The following TKFC variants were observed in gnomAD, a reference collection of about 807,000 sequenced individuals.
The protein encoded by TKFC is triokinase/FMN cyclase.
In TKFC, 46 loss-of-function variants were observed where a neutral mutation model predicts 61.0. That is an observed-to-expected ratio of 0.75 (90% CI 0.60 to 0.96). TKFC has a LOEUF of 0.96. Among genes scored for constraint, TKFC ranks in the 50% least tolerant of loss-of-function variants. The pLI is 0.00. For synonymous variants in TKFC, 314 were observed against 330.1 expected (o/e 0.95, Z 0.53); for missense variants, 715 against 777.5 (o/e 0.92, Z 0.96).
In TKFC at chr11:61,347,496, G is replaced by A; in HGVS notation, c.*993G>A. ...CGAGGCTGCGGTGAGCCATAAGCATGCCACTATACTCCAGCCTGGGCAACA... is the reference window on the plus strand; with the variant it reads ...CGAGGCTGCGGTGAGCCATAAGCATACCACTATACTCCAGCCTGGGCAACA... On this transcript the variant is annotated 3_prime_UTR_variant, in exon 18 of 18. Transcript: ENST00000394900. 2.0e-6 allele frequency: 2 copies of A among 982,362 alleles called. No homozygotes were observed. Among genetic ancestry groups the A allele is most frequent in the Non-Finnish European group, 2.4e-6 (2 of 829,644 alleles). 60.9% of individuals were successfully genotyped at this position (982,362 alleles called of 1,614,324 possible).
downstream of TKFC, chr11:61,351,280 C>A: frequency 5.6e-6 from 4 of 718,920 alleles, no homozygotes; most frequent in East Asian, 3.7e-5. Context: ...TTTTAACACC[C>A]TTTCTTTTTT....
chr11:61,335,123 G>A (rs1268537348), intron 2 of TKFC, among the ~76,000 whole-genome samples: 3 of 152,184 alleles, frequency 2.0e-5, no homozygotes, highest in African/African-American at 7.2e-5. Context: ...TCTGGAGCTG[G>A]GATCTACAGT....
chr11:61,339,414 C>T lies in TKFC; in HGVS notation c.465C>T (p.Cys155=), dbSNP rs905212953. 9.9e-6 allele frequency: 16 copies of T among 1,611,642 alleles called. No homozygotes were observed. Among genetic ancestry groups the T allele is most frequent in the South Asian group, 3.3e-5 (3 of 90,928 alleles). Residue 155 remains cysteine, a synonymous_variant, in exon 5 of 18, where the codon TGC becomes TGT. Transcript: ENST00000394900. ...AGAAGGCAGGCCGGCGGGGGCTGTGCGGCACGGTGCTTATACACAAGGTGG... is the reference window on the plus strand; with the variant it reads ...AGAAGGCAGGCCGGCGGGGGCTGTGTGGCACGGTGCTTATACACAAGGTGG... ...VLKKAGRRGL[C]GTVLIHKVAG...
At chr11:61,349,677 T>C, downstream of TKFC, 1 of 702,454 alleles carries the variant, frequency 1.4e-6, no homozygotes, top group Non-Finnish European at 2.6e-6. Context: ...TCACAATACA[T>C]GCAGACACAG....
At chr11:61,344,009 T>C in intron 12 of TKFC, 34 bp downstream of exon 12, 1 of 1,607,650 alleles carries the variant, frequency 6.2e-7, no homozygotes, top group Non-Finnish European at 8.5e-7. Flanking sequence ...AGGGACAGGC[T>C]TCCCAAAGGA....
intron 17 of TKFC, 27 bp downstream of exon 17, chr11:61,345,973 G>C (rs2135062082): frequency 6.2e-7 from 1 of 1,606,574 alleles, no homozygotes; most frequent in Non-Finnish European, 8.5e-7. Context: ...CCAGCCACCT[G>C]GGGAGACAGG....
At position 61,347,702 on chromosome 11, in the gene TKFC, T is replaced by A. The variant is rs985785191; in HGVS notation, c.*1199T>A. On this transcript the variant is annotated 3_prime_UTR_variant, in exon 18 of 18. Transcript: ENST00000394900. ...TAGGGTAGGGAGTGGTTAAAGGCAC[T>A]GGCTGTCGACTCATACACATGATCT... The A allele has an allele frequency of 2.0e-6, 2 of 985,420 alleles. No homozygotes were observed. The highest frequency in any genetic ancestry group is 3.5e-5 in the African/African-American group (2 of 57,364). The allele number at this position is 985,420 out of a possible 1,614,324, so 61.0% of individuals were successfully genotyped here.
Position 61,346,916 on chromosome 11 carries a change from CAAGA to C in TKFC, c.*418_*421del. On this transcript the variant is annotated 3_prime_UTR_variant, in exon 18 of 18. Transcript: ENST00000394900. This position sits in a 1 kb window ranked among gnomAD's most constrained non-coding sequence, Gnocchi z 4.1. ...GTTAATAAACTATAATACATGGAAG[CAAGA>C]AAGACACTGCCTCCTCTGAGGGACC... 2 of 990,168 alleles carry C rather than the reference CAAGA, an allele frequency of 2.0e-6. No homozygotes were observed. Among genetic ancestry groups the C allele is most frequent in the Non-Finnish European group, 1.2e-6 (1 of 833,080 alleles). The allele number at this position is 990,168 out of a possible 1,614,324, so 61.3% of individuals were successfully genotyped here. A position where few individuals can be genotyped will look rare whatever the true frequency, so the allele number is the denominator to read the frequency against.
Position 61,346,690 on chromosome 11 carries a change from G to A in TKFC, c.*187G>A, listed in dbSNP as rs575035588. On this transcript the variant is annotated 3_prime_UTR_variant, in exon 18 of 18. Coordinates refer to ENST00000394900, the MANE Select transcript of TKFC (RefSeq NM_015533.4). The surrounding 1 kb of genome is among the most constrained non-coding windows in gnomAD (Gnocchi z 4.1). ...CAGACAGCACCCAGAGTGAGCTGGAGTGGGTCCCCATGCCTCTCCAGCATG... is the reference window on the plus strand; with the variant it reads ...CAGACAGCACCCAGAGTGAGCTGGAATGGGTCCCCATGCCTCTCCAGCATG... The A allele has an allele frequency of 5.0e-6, 7 of 1,399,878 alleles. No homozygotes were observed. The highest frequency in any genetic ancestry group is 2.9e-5 in the African/African-American group (2 of 69,358). 86.7% of individuals were successfully genotyped at this position (1,399,878 alleles called of 1,614,324 possible).
chr11:61,340,332 T>G (rs1321630397), intron 5 of TKFC, among the ~76,000 whole-genome samples: 1 of 550 alleles, frequency 1.8e-3, no homozygotes, highest in African/African-American at 1.9e-3. Flanking sequence ...TCCTCTTTTT[T>G]TTTTTTTTTT....
rs750961882 is a variant in TKFC, at chr11:61,337,925, C to T, written c.4-16C>T. Reference sequence around the variant, plus strand: ...ACTGACCACATTCTGACCTCCTTCTCACTCCTCCCTTGCAGACCTCCAAGA... The same window carrying T: ...ACTGACCACATTCTGACCTCCTTCTTACTCCTCCCTTGCAGACCTCCAAGA... On this transcript the variant is annotated splice_polypyrimidine_tract_variant and intron_variant, in intron 2 of 17. Transcript: ENST00000394900. 8.8e-6 allele frequency: 14 copies of T among 1,590,910 alleles called. No individual in the cohort carries two copies. Among genetic ancestry groups the T allele is most frequent in the Admixed American group, 1.8e-5 (1 of 55,888 alleles).
chr11:61,352,910 T>G (rs764495905), downstream of TKFC: 36 of 1,611,276 alleles, frequency 2.2e-5, no homozygotes, highest in Non-Finnish European at 1.5e-5. Context: ...GTGAGTCCTG[T>G]GATCACAGGG....
At position 61,346,646 on chromosome 11, in the gene TKFC, C is replaced by T; in HGVS notation, c.*143C>T. 2 of 1,465,126 alleles carry T rather than the reference C, an allele frequency of 1.4e-6. No individual in the cohort carries two copies. Among genetic ancestry groups the T allele is most frequent in the Non-Finnish European group, 1.8e-6 (2 of 1,114,036 alleles). The allele number at this position is 1,465,126 out of a possible 1,614,324, so 90.8% of individuals were successfully genotyped here. On this transcript the variant is annotated 3_prime_UTR_variant, in exon 18 of 18. Transcript: ENST00000394900. The surrounding 1 kb of genome is among the most constrained non-coding windows in gnomAD (Gnocchi z 4.1). ...CCTCTAAGTTGAGCAGGAAATCCTC[C>T]ACCAAGCTTCCAGAACTACAGACAG...
downstream of TKFC, chr11:61,350,916 C>A (rs1162261389): frequency 4.1e-5 from 63 of 1,523,582 alleles, no homozygotes; most frequent in Non-Finnish European, 5.4e-5. Flanking sequence ...CTTGTCAAGG[C>A]CCCAGCCTTT....
At chr11:61,350,920 A>C, downstream of TKFC, 1 of 1,528,964 alleles carries the variant, frequency 6.5e-7, no homozygotes, top group South Asian at 1.3e-5. Context: ...TCAAGGCCCC[A>C]GCCTTTCGTG....
chr11:61,341,236 G>A (rs1856838103), intron 5 of TKFC, among the ~76,000 whole-genome samples, 200 bp from the exon 6 acceptor site: 1 of 152,180 alleles, frequency 6.6e-6, no homozygotes, highest in South Asian at 2.1e-4. Flanking sequence ...CCAACAGACT[G>A]GAATTCTTGA....
chr11:61,350,875 T>G (rs1408850361), downstream of TKFC: 11 of 1,426,418 alleles, frequency 7.7e-6, no homozygotes, highest in Admixed American at 2.9e-4. Flanking sequence ...TCAAGTTACT[T>G]GGTTTCCTGC....
chr11:61,342,745 C>CT lies in TKFC; in HGVS notation c.776-9dup, dbSNP rs1291762962. ...GAGGGTCTCACCTGGGGTGTCATGT[C>CT]TACCCGCAGGCTCCTCAGTTGTGAT... On this transcript the variant is annotated splice_polypyrimidine_tract_variant and intron_variant, in intron 9 of 17. Transcript: ENST00000394900. 1.2e-6 allele frequency: 2 copies of CT among 1,613,924 alleles called. No homozygotes were observed. Among genetic ancestry groups the CT allele is most frequent in the African/African-American group, 2.7e-5 (2 of 74,914 alleles).
intron 2 of TKFC, 35 bp downstream of exon 2, chr11:61,334,766 A>T: frequency 6.2e-7 from 1 of 1,613,932 alleles, no homozygotes; most frequent in South Asian, 1.1e-5. Flanking sequence ...GAATGGCAGC[A>T]TGGTCTCAAA....
Sources: allele counts gnomAD v4.1 joint callset (sites outside exome capture counted in the v4.1 genomes callset), GRCh38; gene constraint gnomAD v4.1.1; non-coding constraint Gnocchi (gnomAD v3.1); transcripts MANE v1.5; gene names NCBI Gene and HGNC (gene_info 2026-07-23, HGNC 2026-07-21).